The following UNC79 variants were observed in gnomAD, a reference collection of about 807,000 sequenced individuals.
UNC79 encodes unc-79 subunit of NALCN channel complex.
In UNC79, 37 loss-of-function variants were observed where a neutral mutation model predicts 283.1. The ratio of observed to expected loss-of-function variants is 0.13; its 90% CI spans 0.10 to 0.17. UNC79 has a LOEUF of 0.17. Among genes scored for constraint, UNC79 ranks in the 10% least tolerant of loss-of-function variants. The pLI is 1.00. For missense variants in UNC79, 2,272 were observed against 3,211.1 expected, an observed-to-expected ratio of 0.71 and a Z score of 7.07; for synonymous variants, 1,107 against 1,200.2, an observed-to-expected ratio of 0.92 and a Z score of 1.61.
At position 93,690,329 on chromosome 14, in the gene UNC79, C is replaced by T; in HGVS notation, c.7272+26C>T. On this transcript the variant is annotated intron_variant, in intron 45 of 48. Coordinates refer to ENST00000555664, the Ensembl canonical transcript of UNC79. This position sits in a 1 kb window ranked among gnomAD's most constrained non-coding sequence, Gnocchi z 4.3. ...GTAAGTGATTTCTGCAAGATTAAGA[C>T]CGTATGCATCGCAATTGCTAATGGA... 1.9e-6 allele frequency: 3 copies of T among 1,597,462 alleles called. No homozygotes were observed. The highest frequency in any genetic ancestry group is 2.6e-6 in the Non-Finnish European group (3 of 1,170,176).
intron 40 of UNC79, among the ~76,000 whole-genome samples, 193 bp downstream of exon 43, chr14:93,662,907 C>A (rs1160340523): frequency 1.3e-5 from 2 of 150,752 alleles, no homozygotes; most frequent in African/African-American, 2.5e-5. Context: ...CACACACAAA[C>A]ACACATACAA....
chr14:93,622,400 G>T (rs747693521), exon 30 of UNC79: 1 of 1,614,126 alleles, frequency 6.2e-7, no homozygotes, highest in South Asian at 1.1e-5. Flanking sequence ...CCCTATGGAC[G>T]CCGAAGGATC....
intron 48 of UNC79, among the ~76,000 whole-genome samples, chr14:93,705,347 CAAAAAAAAAA>C (rs71129656): frequency 1.1e-5 from 1 of 87,526 alleles, no homozygotes; most frequent in South Asian, 4.1e-4. Context: ...CCCAGTCTCT[CAAAAAAAAAA>C]AAAAAAAAAA....
At chr14:93,483,236 A>G (rs1348798247) in intron 4 of UNC79, among the ~76,000 whole-genome samples, 1 of 152,158 alleles carries the variant, frequency 6.6e-6, no homozygotes, top group African/African-American at 2.4e-5. Flanking sequence ...ATTTTGCCAC[A>G]AGTACCTGTT....
At chr14:93,509,303 C>G (rs1054639481) in intron 7 of UNC79, among the ~76,000 whole-genome samples, 1 of 152,040 alleles carries the variant, frequency 6.6e-6, no homozygotes, top group Non-Finnish European at 1.5e-5. Flanking sequence ...ATAATTCCAC[C>G]CTTGGCCCCT....
chr14:93,665,784 T>C (rs189209265), intron 40 of UNC79, among the ~76,000 whole-genome samples: 3 of 152,110 alleles, frequency 2.0e-5, no homozygotes, highest in Admixed American at 2.0e-4. Flanking sequence ...AGCTAAGCTA[T>C]CCTTCAAGAA....
At chr14:93,371,899 TG>T (rs1291824935) in intron 1 of UNC79, among the ~76,000 whole-genome samples, 2 of 151,280 alleles carry the variant, frequency 1.3e-5, no homozygotes, top group African/African-American at 2.4e-5. Flanking sequence ...AAGATGATAG[TG>T]GAGTGAAATA....
intron 2 of UNC79, among the ~76,000 whole-genome samples, chr14:93,471,147 AGTT>A (rs2057479666): frequency 6.6e-6 from 1 of 152,216 alleles, no homozygotes; most frequent in African/African-American, 2.4e-5. Flanking sequence ...TGTAATTTCC[AGTT>A]GCTTAGGAAG....
chr14:93,501,882 T>G (rs948451640), intron 7 of UNC79, among the ~76,000 whole-genome samples: 3 of 152,094 alleles, frequency 2.0e-5, no homozygotes, highest in African/African-American at 7.2e-5. Flanking sequence ...CACAGGAAAG[T>G]TTAAAGAATC....
intron 43 of UNC79, among the ~76,000 whole-genome samples, chr14:93,687,846 G>A (rs1306793598): frequency 2.0e-5 from 3 of 152,048 alleles, no homozygotes; most frequent in Non-Finnish European, 4.4e-5. Flanking sequence ...AGATGCTTTC[G>A]AAAAATAATA....
intron 1 of UNC79, among the ~76,000 whole-genome samples, chr14:93,345,627 G>A (rs561369110): frequency 4.3e-4 from 66 of 152,204 alleles, no homozygotes; most frequent in African/African-American, 1.5e-3. Flanking sequence ...CCTGCAAAAT[G>A]TAGAACAAGG....
At chr14:93,616,929 C>G (rs568307988) in intron 27 of UNC79, among the ~76,000 whole-genome samples, 193 bp from the exon 29 acceptor site, 2 of 152,254 alleles carry the variant, frequency 1.3e-5, no homozygotes, top group South Asian at 4.1e-4. Context: ...TTACAAGTTT[C>G]AAAAATTTTT....
At chr14:93,571,835 G>A (rs548488562) in intron 14 of UNC79, 59 bp from the exon 15 acceptor site, 1 of 1,591,530 alleles carries the variant, frequency 6.3e-7, no homozygotes, top group East Asian at 2.2e-5. Flanking sequence ...AAGTCCTTGA[G>A]TATAATTGTA....
At chr14:93,521,443 A>C (rs945010932) in intron 7 of UNC79, among the ~76,000 whole-genome samples, 6 of 151,952 alleles carry the variant, frequency 3.9e-5, no homozygotes, top group Admixed American at 3.3e-4. Flanking sequence ...AATTTCAGCC[A>C]TCTGGCCTCT....
intron 1 of UNC79, chr14:93,347,044 T>G: frequency 2.1e-6 from 1 of 476,776 alleles, no homozygotes; most frequent in East Asian, 3.4e-5. Flanking sequence ...AAGCACGGAC[T>G]GCTGAGTGGA....
intron 1 of UNC79, among the ~76,000 whole-genome samples, chr14:93,363,678 A>G (rs908713905): frequency 6.6e-6 from 1 of 152,134 alleles, no homozygotes; most frequent in African/African-American, 2.4e-5. Flanking sequence ...TAGGATAGTT[A>G]GGTCTTCCTG....
intron 1 of UNC79, among the ~76,000 whole-genome samples, chr14:93,391,552 G>A (rs953664602): frequency 5.3e-5 from 8 of 152,158 alleles, no homozygotes; most frequent in Non-Finnish European, 1.2e-4. Flanking sequence ...CTACAGAATG[G>A]TAGAAAGTAT....
At chr14:93,470,079 TG>T (rs33926770) in intron 2 of UNC79, among the ~76,000 whole-genome samples, 151,975 of 152,276 alleles carry the variant, frequency 1, 75,843 homozygotes, top group Middle Eastern at 1. Context: ...CTCAGGTTCT[TG>T]GGGGAAAAAT....
rs555058536 is a variant in UNC79, at chr14:93,515,509, A to T, written c.899-8469A>T. On this transcript the variant is annotated intron_variant, in intron 7 of 48. Coordinates refer to ENST00000555664, the Ensembl canonical transcript of UNC79. ...AATAGATATAAAAACTATAAACCTAATTTGAGACTTAGTATGATGGATTCC... is the reference window on the plus strand; with the variant it reads ...AATAGATATAAAAACTATAAACCTATTTTGAGACTTAGTATGATGGATTCC... Among the ~76,000 whole-genome samples the T allele has an allele frequency of 7.7e-4, 117 of 152,224 alleles. 1 individual carries two copies. Among genetic ancestry groups the T allele is most frequent in the Non-Finnish European group, 1.5e-3 (102 of 67,994 alleles).
Sources: allele counts gnomAD v4.1 joint callset (sites outside exome capture counted in the v4.1 genomes callset), GRCh38; gene constraint gnomAD v4.1.1; non-coding constraint Gnocchi (gnomAD v3.1); transcripts MANE v1.5; gene names NCBI Gene and HGNC (gene_info 2026-07-23, HGNC 2026-07-21).